GP9: variants seen among roughly 807,000 people sequenced by gnomAD.
GP9 encodes glycoprotein IX platelet, also known as platelet glycoprotein IX.
For missense variants in GP9, 228 were observed against 241.8 expected (o/e 0.94, Z 0.38); for synonymous variants, 116 against 116.7 (o/e 0.99, Z 0.04).
the GP9 span, among the ~76,000 whole-genome samples, chr3:129,055,451 C>T: frequency 3.9e-5 from 6 of 152,180 alleles, no homozygotes; most frequent in Non-Finnish European, 8.8e-5. Flanking sequence ...CCAGATACAG[C>T]CACTGAGCTG....
In GP9 at chr3:129,061,808, A is replaced by G. The variant is rs1192455030; in HGVS notation, c.69A>G (p.Pro23=). 1.2e-6 allele frequency: 2 copies of G among 1,612,924 alleles called. No individual in the cohort carries two copies. The highest frequency in any genetic ancestry group is 4.5e-5 in the East Asian group (2 of 44,842). The change falls in exon 3 of 3, where the codon CCA becomes CCG. Residue 23 remains proline (P), a synonymous_variant. Coordinates refer to ENST00000307395, the MANE Select transcript of GP9 (RefSeq NM_000174.5). The stretch of plus-strand genomic sequence containing the variant: ...AGGCCACCAAGGACTGCCCCAGCCC[A>G]TGTACCTGCCGCGCCCTGGAAACCA... ...TAEATKDCPS[P]CTCRALETMG... is the part of the protein sequence containing the mutation.
rs1389937304 is a variant in GP9, at chr3:129,061,959, C to G, written c.220C>G (p.Leu74Val). 2 of 1,613,794 alleles carry G rather than the reference C, an allele frequency of 1.2e-6. No individual in the cohort carries two copies. Among genetic ancestry groups the G allele is most frequent in the Admixed American group, 1.7e-5 (1 of 60,016 alleles). The change falls in exon 3 of 3, where the codon CTG (leucine) becomes GTG (valine). Residue 74 changes from leucine (L) to valine (V), a missense_variant. Transcript: ENST00000307395. ...CGTGCCCCCGGGAGCCTTTGACCAC[C>G]TGCCCCAGCTGCAGACCCTCGATGT... ...QSVPPGAFDH[L>V]PQLQTLDVTQ...
At chr3:129,057,698 G>C (rs753954155), upstream of GP9, among the ~76,000 whole-genome samples, 8 of 152,150 alleles carry the variant, frequency 5.3e-5, no homozygotes, top group Non-Finnish European at 8.8e-5. Flanking sequence ...TTACTGATGG[G>C]TTGGACAGCA....
chr3:129,059,883 G>A (rs894605294), upstream of GP9, among the ~76,000 whole-genome samples: 5 of 152,220 alleles, frequency 3.3e-5, no homozygotes, highest in Admixed American at 1.3e-4. Flanking sequence ...AACGAAGTGC[G>A]TTTAAAGCCT....
Position 129,062,258 on chromosome 3 carries a change from A to G in GP9, c.519A>G (p.Thr173=), listed in dbSNP as rs772946753. 3.9e-6 allele frequency: 6 copies of G among 1,552,398 alleles called. No homozygotes were observed. The South Asian group carries it at 4.7e-5, about 12-fold the overall frequency. The change falls in exon 3 of 3, where the codon ACA becomes ACG. Residue 173 remains threonine, a synonymous_variant. Coordinates refer to ENST00000307395, the MANE Select transcript of GP9 (RefSeq NM_000174.5). ...TGGCTGGCCTGCTGTGTGCCACCAC[A>G]GAGGCCCTGGATTGAGCCAGGCCCC... ...ALLAGLLCAT[T]EALD
rs1297298519 is a variant in GP9, at chr3:129,062,075, CT to C, written c.337del (p.Cys113ValfsTer15). On this transcript the variant is annotated frameshift_variant, in exon 3 of 3. Coordinates refer to ENST00000307395, the MANE Select transcript of GP9 (RefSeq NM_000174.5). LOFTEE classifies it low-confidence loss of function (END_TRUNC). The stretch of plus-strand genomic sequence containing the variant: ...CGCCCGAGGCCCTGCTGCAGGTCCG[CT>C]GTGCCAGCCCCAGCCTCGCTGCCCA... ...RTPEALLQVRCASPSLAAHGP... is the reference protein window; with the variant it reads ...RTPEALLQVRXASPSLAAHGP... 1.9e-6 allele frequency: 3 copies of C among 1,610,448 alleles called. No homozygotes were observed. The highest frequency in any genetic ancestry group is 2.5e-6 in the Non-Finnish European group (3 of 1,179,036).
At chr3:129,058,154 A>G (rs1202567746), upstream of GP9, among the ~76,000 whole-genome samples, 1 of 152,040 alleles carries the variant, frequency 6.6e-6, no homozygotes, top group East Asian at 1.9e-4. Flanking sequence ...GCTGCTCCTA[A>G]CCTGATGGAA....
chr3:129,055,224 G>A, the GP9 span, among the ~76,000 whole-genome samples: 128 of 152,224 alleles, frequency 8.4e-4, no homozygotes, highest in Middle Eastern at 3.4e-3. Flanking sequence ...GGCCATAAAG[G>A]GGTCCATTCA....
At chr3:129,059,764 C>T (rs148372367), upstream of GP9, among the ~76,000 whole-genome samples, 679 of 152,260 alleles carry the variant, frequency 4.5e-3, 2 homozygotes, top group African/African-American at 0.016. Flanking sequence ...CCCTGCTTGG[C>T]CATGCAGGAG....
In GP9 at chr3:129,061,618, A is replaced by G. The variant is rs184163357; in HGVS notation, c.-14A>G. On this transcript the variant is annotated splice_region_variant and 5_prime_UTR_variant, in exon 2 of 3. Coordinates refer to ENST00000307395, the MANE Select transcript of GP9 (RefSeq NM_000174.5). Reference sequence around the variant, plus strand: ...GGAGAAGGCTGAGACCCGAGAAGGGAGGTGAGTGCACCCCGTCCCATGTCA... The same window carrying G: ...GGAGAAGGCTGAGACCCGAGAAGGGGGGTGAGTGCACCCCGTCCCATGTCA... The G allele has an allele frequency of 1.2e-5, 10 of 804,564 alleles. No homozygotes were observed. Among genetic ancestry groups the G allele is most frequent in the Non-Finnish European group, 2.1e-5 (10 of 483,778 alleles). 49.8% of individuals were successfully genotyped at this position (804,564 alleles called of 1,614,324 possible).
At chr3:129,060,354 A>C (rs1429806859), upstream of GP9, among the ~76,000 whole-genome samples, 1 of 152,230 alleles carries the variant, frequency 6.6e-6, no homozygotes, top group Non-Finnish European at 1.5e-5. Flanking sequence ...GGAGAGTTAA[A>C]AATGAAGTCA....
chr3:129,058,145 C>T (rs1039629325), upstream of GP9, among the ~76,000 whole-genome samples: 1 of 152,122 alleles, frequency 6.6e-6, no homozygotes, highest in Admixed American at 6.5e-5. Context: ...CCTGGTCTGG[C>T]TGCTCCTAAC....
chr3:129,061,057 C>T (rs1946569620), intron 1 of GP9, among the ~76,000 whole-genome samples: 1 of 152,208 alleles, frequency 6.6e-6, no homozygotes, highest in Non-Finnish European at 1.5e-5. Context: ...AGGGGAAACG[C>T]CTGTGGGGAA....
At chr3:129,057,251 G>A (rs1458008817), upstream of GP9, among the ~76,000 whole-genome samples, 3 of 152,204 alleles carry the variant, frequency 2.0e-5, no homozygotes, top group African/African-American at 4.8e-5. Flanking sequence ...TGCTAAGGAA[G>A]ATATGAAATG....
At chr3:129,056,102 C>A (rs367998882), upstream of GP9, among the ~76,000 whole-genome samples, 18 of 152,324 alleles carry the variant, frequency 1.2e-4, 1 homozygote, top group East Asian at 5.8e-4. Flanking sequence ...TGATTTTCCC[C>A]ATTCTGCAGA....
upstream of GP9, among the ~76,000 whole-genome samples, chr3:129,057,503 T>C (rs1336010584): frequency 3.9e-5 from 6 of 151,922 alleles, no homozygotes; most frequent in African/African-American, 1.5e-4. Flanking sequence ...AGACAGTGGG[T>C]GATGGGGTCA....
At chr3:129,058,184 T>A (rs1946538611), upstream of GP9, among the ~76,000 whole-genome samples, 1 of 152,090 alleles carries the variant, frequency 6.6e-6, no homozygotes. Flanking sequence ...GAAGGAGAAA[T>A]TGATCATGCA....
In GP9 at chr3:129,061,839, C is replaced by T. The variant is rs1373038367; in HGVS notation, c.100C>T (p.Leu34=). ...CTGCCGCGCCCTGGAAACCATGGGG[C>T]TGTGGGTGGACTGCAGGGGCCACGG... ...CTCRALETMG[L]WVDCRGHGLT... Residue 34 remains leucine (L), a synonymous_variant, in exon 3 of 3, where the codon CTG becomes TTG. Coordinates refer to ENST00000307395, the MANE Select transcript of GP9 (RefSeq NM_000174.5). 6.2e-7 allele frequency: 1 copy of T among 1,612,566 alleles called. No individual in the cohort carries two copies. Among genetic ancestry groups the T allele is most frequent in the Admixed American group, 1.7e-5 (1 of 59,872 alleles).
chr3:129,059,533 C>T (rs1946553006), upstream of GP9, among the ~76,000 whole-genome samples: 2 of 152,196 alleles, frequency 1.3e-5, no homozygotes, highest in South Asian at 4.1e-4. Flanking sequence ...TACCAGGGGA[C>T]CCCCAGCAGC....
Sources: allele counts gnomAD v4.1 joint callset (sites outside exome capture counted in the v4.1 genomes callset), GRCh38; gene constraint gnomAD v4.1.1; transcripts MANE v1.5; gene names NCBI Gene and HGNC (gene_info 2026-07-23, HGNC 2026-07-21).